Variants in APP observed in about 807,000 individuals in gnomAD.
APP encodes the protein amyloid beta precursor protein, also known as amyloid-beta precursor protein.
In APP, 31 loss-of-function variants were observed where a neutral mutation model predicts 101.4. The ratio of observed to expected loss-of-function variants is 0.31; its 90% confidence interval spans 0.23 to 0.41. The LOEUF (loss-of-function observed/expected upper bound fraction) is 0.41, where lower values mean the gene tolerates loss of function less well. APP is among the 10% of genes least tolerant of loss of function. APP has a pLI of 1.00. For synonymous variants in APP, 366 were observed against 364.4 expected (o/e 1.00, Z -0.05); for missense variants, 839 against 1,003.7 (o/e 0.84, Z 2.22).
chr21:25,925,860 C>T (rs544480017), intron 13 of APP, among the ~76,000 whole-genome samples: 72 of 152,276 alleles, frequency 4.7e-4, no homozygotes, highest in Middle Eastern at 3.4e-3. Context: ...TGCTTGAACC[C>T]GGGAGGTGGA....
rs149284431 is a variant in APP at position 26,042,598 on chromosome 21, T to C, written c.662+8402A>G. Among the ~76,000 whole-genome samples the C allele has an allele frequency of 3.8e-3, 574 of 152,346 alleles. 5 individuals carry two copies. The highest frequency in any genetic ancestry group is 0.013 in the African/African-American group (546 of 41,586). ...GTTTTATGATGACTGCATTGATTAT[T>C]GTTATCAAGATTTCACCCCTTGGTC... On this transcript the variant is annotated intron_variant, in intron 5 of 17. Coordinates refer to ENST00000346798, the MANE Select transcript of APP (RefSeq NM_000484.4).
chr21:26,123,843 G>C (rs937901214), intron 1 of APP, among the ~76,000 whole-genome samples: 18 of 152,222 alleles, frequency 1.2e-4, no homozygotes, highest in African/African-American at 4.3e-4. Context: ...TATTGACAAT[G>C]GTAAAAATAT....
intron 3 of APP, among the ~76,000 whole-genome samples, chr21:26,067,684 A>G (rs1276398790): frequency 6.6e-6 from 1 of 152,198 alleles, no homozygotes; most frequent in Admixed American, 6.5e-5. Flanking sequence ...TGCAGTTCTC[A>G]TATCATAAAT....
chr21:26,075,585 C>T (rs1156579907), intron 3 of APP, among the ~76,000 whole-genome samples: 1 of 152,140 alleles, frequency 6.6e-6, no homozygotes, highest in Non-Finnish European at 1.5e-5. Flanking sequence ...TAATAAAAAG[C>T]TATATCCTGA....
intron 1 of APP, among the ~76,000 whole-genome samples, chr21:26,167,507 CAAGT>C (rs2063643309): frequency 6.6e-6 from 1 of 152,168 alleles, no homozygotes; most frequent in Non-Finnish European, 1.5e-5. Context: ...ACGTGAAATG[CAAGT>C]AATAGCTATG....
chr21:26,011,067 T>C (rs2043782135), intron 6 of APP, among the ~76,000 whole-genome samples: 2 of 149,698 alleles, frequency 1.3e-5, no homozygotes, highest in Admixed American at 1.3e-4. Flanking sequence ...CTCTGTTCAC[T>C]TTTTTATTTT....
chr21:25,882,441 A>C (rs2037053879), intron 17 of APP, among the ~76,000 whole-genome samples: 1 of 150,346 alleles, frequency 6.7e-6, no homozygotes, highest in African/African-American at 2.5e-5. Flanking sequence ...GAATTAAGAT[A>C]CTATAGAAGT....
intron 3 of APP, among the ~76,000 whole-genome samples, chr21:26,055,665 T>C (rs1241546109): frequency 6.6e-6 from 1 of 152,216 alleles, no homozygotes; most frequent in Non-Finnish European, 1.5e-5. Context: ...CCACCTCATC[T>C]GTCAGCTCTG....
At position 25,881,834 on chromosome 21, in the gene APP, G is replaced by A. The variant is rs952671331; in HGVS notation, c.2212-63C>T. The A allele has an allele frequency of 2.0e-6, 3 of 1,501,184 alleles. No homozygotes were observed. The Admixed American group carries it at 5.1e-5, about 26-fold the overall frequency. The allele number at this position is 1,501,184 out of a possible 1,614,324, so 93.0% of individuals were successfully genotyped here. On this transcript the variant is annotated intron_variant, in intron 17 of 17. Transcript: ENST00000346798. ...TCAATCTTTTAAGGGTGAACATGGAGAAGCAGTAAAAAGATAAGGAGTACA... is the reference window on the plus strand; with the variant it reads ...TCAATCTTTTAAGGGTGAACATGGAAAAGCAGTAAAAAGATAAGGAGTACA...
At chr21:26,076,622 T>C (rs901369338) in intron 3 of APP, among the ~76,000 whole-genome samples, 2 of 152,210 alleles carry the variant, frequency 1.3e-5, no homozygotes, top group Non-Finnish European at 2.9e-5. Flanking sequence ...TTGTATAATC[T>C]TAGGTTATAG....
intron 2 of APP, among the ~76,000 whole-genome samples, chr21:26,095,453 C>T (rs763293099): frequency 1.3e-5 from 2 of 152,172 alleles, no homozygotes; most frequent in African/African-American, 4.8e-5. Context: ...GACTTAATAA[C>T]GGCCCCAAAG....
chr21:25,898,167 T>C (rs974184428), intron 15 of APP, among the ~76,000 whole-genome samples: 7 of 152,368 alleles, frequency 4.6e-5, no homozygotes, highest in South Asian at 4.1e-4. Context: ...ATTATGTTCA[T>C]GTATCTATGC....
At chr21:26,035,518 A>G (rs1279984954) in intron 5 of APP, among the ~76,000 whole-genome samples, 3 of 152,108 alleles carry the variant, frequency 2.0e-5, no homozygotes, top group African/African-American at 7.2e-5. Flanking sequence ...AGGAGGTCAA[A>G]CCTGACACCA....
At chr21:25,908,407 A>G (rs2038897940) in intron 14 of APP, among the ~76,000 whole-genome samples, 1 of 152,214 alleles carries the variant, frequency 6.6e-6, no homozygotes, top group South Asian at 2.1e-4. Flanking sequence ...ATTTGAAACT[A>G]TGATAATGAG....
chr21:26,124,258 T>A (rs1021094295), intron 1 of APP, among the ~76,000 whole-genome samples: 12 of 151,972 alleles, frequency 7.9e-5, no homozygotes, highest in African/African-American at 2.7e-4. Flanking sequence ...ACCAGGAGAG[T>A]AATTTCCTAA....
intron 5 of APP, among the ~76,000 whole-genome samples, chr21:26,024,669 G>C (rs543135233): frequency 6.6e-6 from 1 of 152,294 alleles, no homozygotes; most frequent in South Asian, 2.1e-4. Context: ...GATTACCTCA[G>C]GATTTAAAGC....
intron 8 of APP, among the ~76,000 whole-genome samples, chr21:25,985,158 TA>T (rs2042590729): frequency 6.6e-6 from 1 of 152,206 alleles, no homozygotes; most frequent in Non-Finnish European, 1.5e-5. Context: ...CTGAGGATAT[TA>T]AAAAGGATAA....
intron 11 of APP, among the ~76,000 whole-genome samples, chr21:25,968,561 G>C (rs1473615878): frequency 1.3e-5 from 2 of 151,930 alleles, no homozygotes; most frequent in Non-Finnish European, 2.9e-5. Context: ...TTTGCCTATA[G>C]GTACATAACT....
chr21:25,897,612 G>A lies in APP; in HGVS notation c.2025C>T (p.Phe675=). 6.2e-7 allele frequency: 1 copy of A among 1,613,922 alleles called. No homozygotes were observed. The highest frequency in any genetic ancestry group is 2.2e-5 in the East Asian group (1 of 44,860). The change falls in exon 16 of 18, where the codon TTC becomes TTT. Residue 675 remains phenylalanine, a synonymous_variant. Transcript: ENST00000346798. ...EISEVKMDAE[F]RHDSGYEVHH... ...GAACTTCATATCCTGAGTCATGTCGGAATTCTGCATCCATCTTCACTTCAG... is the reference window on the plus strand; with the variant it reads ...GAACTTCATATCCTGAGTCATGTCGAAATTCTGCATCCATCTTCACTTCAG...
Sources: gnomAD v4.1 joint callset for allele counts (sites outside exome capture counted in the v4.1 genomes callset) on GRCh38, gnomAD v4.1.1 for gene constraint, MANE v1.5 for transcripts, NCBI Gene and HGNC (gene_info 2026-07-23, HGNC 2026-07-21) for gene names.